The following CNTNAP2 variants were observed in gnomAD, a reference collection of about 807,000 sequenced individuals.
CNTNAP2 encodes the protein contactin-associated protein-like 2.
Under a neutral mutation model 155.2 loss-of-function variants are expected in CNTNAP2, and 98 were observed. The ratio of observed to expected loss-of-function variants is 0.63; its 90% CI spans 0.54 to 0.75. The LOEUF is 0.75. Ranked by LOEUF, CNTNAP2 falls within the 30% of genes least tolerant of loss-of-function variation. CNTNAP2 has a pLI of 0.00. For missense variants in CNTNAP2, 1,727 were observed against 1,688.1 expected (o/e 1.02, Z -0.40); for synonymous variants, 651 against 631.2 (o/e 1.03, Z -0.47).
chr7:147,690,292 A>G (rs538648419), intron 13 of CNTNAP2, among the ~76,000 whole-genome samples: 12 of 152,238 alleles, frequency 7.9e-5, no homozygotes, highest in African/African-American at 2.6e-4. Flanking sequence ...CACCTTCTAT[A>G]CAAAGTCTTC....
chr7:147,207,319 T>C (rs921792204), intron 8 of CNTNAP2, among the ~76,000 whole-genome samples: 1 of 152,198 alleles, frequency 6.6e-6, no homozygotes, highest in Non-Finnish European at 1.5e-5. Flanking sequence ...AATAGTTTAC[T>C]ACATTGGAGT....
At chr7:148,051,416 GTT>G (rs112520560) in intron 15 of CNTNAP2, among the ~76,000 whole-genome samples, 2 of 145,460 alleles carry the variant, frequency 1.4e-5, no homozygotes, top group African/African-American at 2.5e-5. Flanking sequence ...TTTCTTTTCT[GTT>G]TTTTTTTTTA....
chr7:148,156,195 G>A (rs1230849548), intron 17 of CNTNAP2, among the ~76,000 whole-genome samples: 2 of 152,226 alleles, frequency 1.3e-5, no homozygotes, highest in African/African-American at 4.8e-5. Context: ...CAGGGAATGA[G>A]ACTTCTTACT....
intron 1 of CNTNAP2, among the ~76,000 whole-genome samples, chr7:146,266,103 A>G (rs772962686): frequency 2.0e-4 from 30 of 152,124 alleles, no homozygotes; most frequent in Non-Finnish European, 3.4e-4. Context: ...AGCTGAGCCA[A>G]TTGTAAGCAC....
At chr7:148,202,778 C>T (rs940093305) in intron 18 of CNTNAP2, among the ~76,000 whole-genome samples, 3 of 152,212 alleles carry the variant, frequency 2.0e-5, no homozygotes, top group African/African-American at 4.8e-5. Context: ...TTACACACAT[C>T]GTGTGTGCAT....
chr7:146,708,727 C>G (rs1303347754), intron 1 of CNTNAP2, among the ~76,000 whole-genome samples: 1 of 147,944 alleles, frequency 6.8e-6, no homozygotes, highest in Non-Finnish European at 1.5e-5. Context: ...TCCTGAGTAG[C>G]TGGAACTACA....
In CNTNAP2 at chr7:148,336,835, T is replaced by C. The variant is rs777645493; in HGVS notation, c.3476-46814T>C. On this transcript the variant is annotated intron_variant, in intron 21 of 23. Coordinates refer to ENST00000361727, the MANE Select transcript of CNTNAP2 (RefSeq NM_014141.6). ...AAGTCCATTGTCAGAATCCCAATAGTGTGGAAAGAAACCTACCAGGGCAGG... is the reference window on the plus strand; with the variant it reads ...AAGTCCATTGTCAGAATCCCAATAGCGTGGAAAGAAACCTACCAGGGCAGG... Among the ~76,000 whole-genome samples, 5 of 152,236 alleles carry C rather than the reference T, an allele frequency of 3.3e-5. 1 individual carries two copies. Among genetic ancestry groups the C allele is most frequent in the Admixed American group, 2.6e-4 (4 of 15,280 alleles).
intron 1 of CNTNAP2, among the ~76,000 whole-genome samples, chr7:146,564,526 T>A (rs1185695965): frequency 6.7e-6 from 1 of 148,806 alleles, no homozygotes; most frequent in Non-Finnish European, 1.5e-5. Flanking sequence ...ATATAACAAA[T>A]ATACATTATA....
rs534667983 is a variant in CNTNAP2 at position 147,197,348 on chromosome 7, G to A, written c.1348+64839G>A. On this transcript the variant is annotated intron_variant, in intron 8 of 23. Coordinates refer to ENST00000361727, the MANE Select transcript of CNTNAP2 (RefSeq NM_014141.6). Reference sequence around the variant, plus strand: ...GCTCGGGCCTGCCCCCCCGCCCCCCGTGGAGTGTACTTTCGTTTTCGATAA... The same window carrying A: ...GCTCGGGCCTGCCCCCCCGCCCCCCATGGAGTGTACTTTCGTTTTCGATAA... Among the ~76,000 whole-genome samples the A allele has an allele frequency of 2.7e-3, 62 of 22,910 alleles. 2 individuals are homozygous for A. Among genetic ancestry groups the A allele is most frequent in the African/African-American group, 9.1e-3 (52 of 5,696 alleles). 15.0% of individuals were successfully genotyped at this position (22,910 alleles called of 152,430 possible). A position where few individuals can be genotyped will look rare whatever the true frequency, so the allele number is the denominator to read the frequency against.
intron 13 of CNTNAP2, among the ~76,000 whole-genome samples, chr7:147,862,221 T>G (rs540696765): frequency 2.6e-5 from 4 of 152,088 alleles, no homozygotes; most frequent in African/African-American, 9.7e-5. Flanking sequence ...GCCTGACACA[T>G]AACTGTGATT....
chr7:147,691,580 T>G (rs1042687329), intron 13 of CNTNAP2, among the ~76,000 whole-genome samples: 1 of 152,156 alleles, frequency 6.6e-6, no homozygotes, highest in Non-Finnish European at 1.5e-5. Flanking sequence ...ACCAGCAGCA[T>G]ACCACAATGT....
intron 21 of CNTNAP2, among the ~76,000 whole-genome samples, chr7:148,336,192 G>T (rs964991679): frequency 2.6e-5 from 4 of 152,140 alleles, no homozygotes; most frequent in African/African-American, 9.7e-5. Context: ...TTATTTCATA[G>T]ATTTGGGGTT....
At chr7:146,408,778 A>T (rs10267634) in intron 1 of CNTNAP2, among the ~76,000 whole-genome samples, 4,449 of 152,290 alleles carry the variant, frequency 0.029, 209 homozygotes, top group African/African-American at 0.1. Context: ...ATAATAAAAA[A>T]TAAATATTAG....
intron 15 of CNTNAP2, among the ~76,000 whole-genome samples, chr7:147,983,778 A>C (rs896219036): frequency 1.3e-5 from 2 of 152,196 alleles, no homozygotes; most frequent in African/African-American, 2.4e-5. Flanking sequence ...CTGGGTTAAG[A>C]TAAGGGGTTG....
At chr7:147,553,442 A>G (rs1278463866) in intron 11 of CNTNAP2, among the ~76,000 whole-genome samples, 3 of 152,134 alleles carry the variant, frequency 2.0e-5, no homozygotes, top group Admixed American at 1.3e-4. Flanking sequence ...CCACTTCACA[A>G]ATAAAGTATT....
At chr7:147,413,599 T>G (rs949434501) in intron 10 of CNTNAP2, among the ~76,000 whole-genome samples, 14 of 152,348 alleles carry the variant, frequency 9.2e-5, no homozygotes, top group African/African-American at 2.9e-4. Context: ...AATATTTTTT[T>G]GAGAATGAGT....
intron 1 of CNTNAP2, among the ~76,000 whole-genome samples, chr7:146,309,330 G>T (rs1357395774): frequency 6.6e-6 from 1 of 152,116 alleles, no homozygotes; most frequent in African/African-American, 2.4e-5. Flanking sequence ...AGGGGTCTCT[G>T]TTAGGGGGTA....
intron 8 of CNTNAP2, among the ~76,000 whole-genome samples, chr7:147,273,345 C>A (rs1804805531): frequency 6.6e-6 from 1 of 152,024 alleles, no homozygotes; most frequent in Non-Finnish European, 1.5e-5. Flanking sequence ...TACTGAAGAG[C>A]AACATCTTTA....
At chr7:148,274,636 C>T (rs1194069143) in intron 21 of CNTNAP2, among the ~76,000 whole-genome samples, 1 of 152,224 alleles carries the variant, frequency 6.6e-6, no homozygotes, top group African/African-American at 2.4e-5. Flanking sequence ...CCTGCCTGCT[C>T]CACCTTCACC....
Sources: allele counts gnomAD v4.1 joint callset (sites outside exome capture counted in the v4.1 genomes callset), GRCh38; gene constraint gnomAD v4.1.1; transcripts MANE v1.5; gene names NCBI Gene and HGNC (gene_info 2026-07-23, HGNC 2026-07-21).